The following SYN3 variants were observed in gnomAD, a reference collection of about 807,000 sequenced individuals.
SYN3 encodes the protein synapsin-3.
SYN3 carries 35 observed loss-of-function variants against 65.8 expected under a neutral mutation model. That is an observed-to-expected ratio of 0.53 (90% confidence interval 0.41 to 0.70). The LOEUF is 0.70. Ranked by LOEUF, SYN3 falls within the 30% of genes least tolerant of loss-of-function variation. The pLI is 0.00. For synonymous variants in SYN3, 270 were observed against 292.9 expected (o/e 0.92, Z 0.80); for missense variants, 680 against 749.0 (o/e 0.91, Z 1.08).
At chr22:32,786,026 A>G (rs1359106037) in intron 6 of SYN3, among the ~76,000 whole-genome samples, 1 of 147,598 alleles carries the variant, frequency 6.8e-6, no homozygotes, top group African/African-American at 2.5e-5. Context: ...AAGAAAAAAA[A>G]AATACAGCAT....
intron 6 of SYN3, among the ~76,000 whole-genome samples, chr22:32,769,198 T>TCCCCC (rs1412501204): frequency 9.9e-5 from 15 of 151,868 alleles, no homozygotes; most frequent in African/African-American, 3.4e-4. Context: ...ACCACCCATT[T>TCCCCC]CCCCCCTGTT....
intron 4 of SYN3, among the ~76,000 whole-genome samples, chr22:32,886,091 G>T (rs2049280353): frequency 6.6e-6 from 1 of 152,290 alleles, no homozygotes; most frequent in African/African-American, 2.4e-5. Flanking sequence ...GCCATATGTT[G>T]TTCTTGTAAA....
chr22:33,045,442 C>T (rs1378588654), intron 1 of SYN3, among the ~76,000 whole-genome samples: 2 of 151,108 alleles, frequency 1.3e-5, no homozygotes, highest in Non-Finnish European at 2.9e-5. Context: ...CATTCATCAA[C>T]CAGGTGGCTC....
rs142418236 is a variant in SYN3 at position 32,569,537 on chromosome 22, ATCTCTC to A, written c.774+27131_774+27136del. 2.2e-3 allele frequency among the ~76,000 whole-genome samples: 254 copies of A among 113,438 alleles called. 1 individual carries two copies. The highest frequency in any genetic ancestry group is 4.7e-3 in the Admixed American group (48 of 10,172). 74.4% of individuals were successfully genotyped at this position (113,438 alleles called of 152,430 possible). A position where few individuals can be genotyped will look rare whatever the true frequency, so the allele number is the denominator to read the frequency against. ...ATCTATATCTATCTAAAATCAATCA[ATCTCTC>A]TCTCTCTCTCTCTCTCTCTCTCTCT... On this transcript the variant is annotated intron_variant, in intron 7 of 13. Coordinates refer to ENST00000358763, the MANE Select transcript of SYN3 (RefSeq NM_003490.4).
At chr22:32,755,910 C>T (rs562348329) in intron 6 of SYN3, among the ~76,000 whole-genome samples, 2 of 152,228 alleles carry the variant, frequency 1.3e-5, no homozygotes, top group East Asian at 3.9e-4. Context: ...AATGAGTCCA[C>T]GTCCTTTACA....
intron 7 of SYN3, among the ~76,000 whole-genome samples, chr22:32,595,461 T>G (rs929300657): frequency 1.3e-5 from 2 of 152,206 alleles, no homozygotes; most frequent in African/African-American, 4.8e-5. Context: ...CACTTGCAAC[T>G]GAAGGAGTCT....
chr22:32,691,189 C>T (rs1323850053), intron 6 of SYN3, among the ~76,000 whole-genome samples: 3 of 152,178 alleles, frequency 2.0e-5, no homozygotes, highest in Admixed American at 6.5e-5. Context: ...CGCCCCGGTT[C>T]CTTCACCCAT....
At chr22:32,979,187 C>CA (rs35720827) in intron 3 of SYN3, among the ~76,000 whole-genome samples, 23,225 of 88,322 alleles carry the variant, frequency 0.26, 2,523 homozygotes, top group Non-Finnish European at 0.33. Context: ...GACTCCATCT[C>CA]AAAAAAAAAA....
At chr22:33,012,529 A>G (rs2053373897) in intron 1 of SYN3, among the ~76,000 whole-genome samples, 1 of 152,234 alleles carries the variant, frequency 6.6e-6, no homozygotes, top group African/African-American at 2.4e-5. Flanking sequence ...TTCAAGTCCA[A>G]TTCCCCAGGT....
intron 4 of SYN3, among the ~76,000 whole-genome samples, chr22:32,882,053 CAAAA>C (rs137505): frequency 4.4e-5 from 6 of 136,468 alleles, no homozygotes; most frequent in Admixed American, 1.5e-4. Context: ...GACTCTGTCT[CAAAA>C]AAAAAAAAAA....
At chr22:32,936,597 G>A (rs2050782825) in intron 3 of SYN3, among the ~76,000 whole-genome samples, 1 of 152,132 alleles carries the variant, frequency 6.6e-6, no homozygotes, top group African/African-American at 2.4e-5. Flanking sequence ...AGTAATCAAG[G>A]CCAGGAAAAA....
intron 6 of SYN3, among the ~76,000 whole-genome samples, chr22:32,741,251 T>G (rs563434667): frequency 6.6e-6 from 1 of 152,118 alleles, no homozygotes; most frequent in African/African-American, 2.4e-5. Flanking sequence ...TTATCTTTAT[T>G]TTACAGACGA....
chr22:33,053,183 G>A (rs1260479680), intron 1 of SYN3, among the ~76,000 whole-genome samples: 1 of 152,212 alleles, frequency 6.6e-6, no homozygotes, highest in Non-Finnish European at 1.5e-5. Context: ...AACACTTTGG[G>A]AGGCCGAGGT....
At chr22:32,699,394 A>T (rs1445684303) in intron 6 of SYN3, among the ~76,000 whole-genome samples, 1 of 152,078 alleles carries the variant, frequency 6.6e-6, no homozygotes, top group African/African-American at 2.4e-5. Context: ...TTAGCATTCC[A>T]CCCCTGCTCT....
chr22:32,790,835 C>T (rs898295312), intron 6 of SYN3, among the ~76,000 whole-genome samples: 14 of 152,134 alleles, frequency 9.2e-5, no homozygotes, highest in African/African-American at 3.4e-4. Context: ...GCACTGGGGT[C>T]TCTAGAACCT....
At chr22:32,585,037 T>C (rs1042666429) in intron 7 of SYN3, among the ~76,000 whole-genome samples, 1 of 152,198 alleles carries the variant, frequency 6.6e-6, no homozygotes, top group Non-Finnish European at 1.5e-5. Flanking sequence ...TCAGTCCAAA[T>C]TCTGCTTCAC....
intron 3 of SYN3, among the ~76,000 whole-genome samples, chr22:32,941,115 A>T (rs984020963): frequency 1.3e-5 from 2 of 152,230 alleles, no homozygotes; most frequent in African/African-American, 4.8e-5. Context: ...AAAGGTTAAA[A>T]AAAAAGTTTT....
chr22:32,587,288 G>A (rs1050033811), intron 7 of SYN3, among the ~76,000 whole-genome samples: 2 of 151,316 alleles, frequency 1.3e-5, no homozygotes, highest in Admixed American at 1.3e-4. Flanking sequence ...GCCATCAAAA[G>A]GGAGTGGCAG....
intron 4 of SYN3, among the ~76,000 whole-genome samples, chr22:32,871,534 T>A (rs541067238): frequency 6.6e-6 from 1 of 152,184 alleles, no homozygotes; most frequent in Admixed American, 6.5e-5. Context: ...TGACAAGAGA[T>A]CCCTAGTGCC....
Sources: gnomAD v4.1 joint callset for allele counts (sites outside exome capture counted in the v4.1 genomes callset) on GRCh38, gnomAD v4.1.1 for gene constraint, MANE v1.5 for transcripts, NCBI Gene and HGNC (gene_info 2026-07-23, HGNC 2026-07-21) for gene names.